Variants in EP400 observed in about 807,000 individuals in gnomAD.
EP400 encodes E1A-binding protein p400.
Under a neutral mutation model 354.1 loss-of-function variants are expected in EP400, and 105 were observed. The ratio of observed to expected loss-of-function variants is 0.30; its 90% CI spans 0.25 to 0.35. The LOEUF is 0.35. Ranked by LOEUF, EP400 falls within the 10% of genes least tolerant of loss-of-function variation. EP400 has a pLI of 1.00. For synonymous variants in EP400, 1,646 were observed against 1,716.9 expected, an observed-to-expected ratio of 0.96 and a Z score of 1.02; for missense variants, 3,280 against 4,121.0, an observed-to-expected ratio of 0.80 and a Z score of 5.59.
rs184403752 is a variant in EP400, at chr12:132,038,271, A to G, written c.6207+175A>G. Among the ~76,000 whole-genome samples, 1 of 152,242 alleles carries G rather than the reference A, an allele frequency of 6.6e-6. No homozygotes were observed. The highest frequency in any genetic ancestry group is 1.5e-5 in the Non-Finnish European group (1 of 68,016). ...CTTCTTTCTGTCATGGGGATTTTGAACTGTAAATACAAGTGAGGGGAATGG... is the reference window on the plus strand; with the variant it reads ...CTTCTTTCTGTCATGGGGATTTTGAGCTGTAAATACAAGTGAGGGGAATGG... On this transcript the variant is annotated intron_variant, in intron 32 of 52. Transcript: ENST00000389561. This position sits in a 1 kb window ranked among gnomAD's most constrained non-coding sequence, Gnocchi z 4.2.
In EP400 at chr12:132,006,231, A is replaced by G. The variant is rs746481807; in HGVS notation, c.3055A>G (p.Lys1019Glu). The change falls in exon 14 of 53, where the codon AAG becomes GAG. Residue 1019 changes from lysine to glutamate, a missense_variant. Physicochemically the swap from Lys to Glu is moderately conservative, Grantham distance 56. Around this residue, in one of 20 missense-constraint regions of EP400, gnomAD observed 800 missense variants for 840.0 expected, o/e 0.95. Transcript: ENST00000389561. ...GATGAATATCGGGAAGCCAAACGCC[A>G]AGGACATTGCGGACGTCACTGCGGT... is the stretch of plus-strand genomic sequence containing the variant. ...ERMNIGKPNA[K>E]DIADVTAVAE... 3 of 1,614,238 alleles carry G rather than the reference A, an allele frequency of 1.9e-6. No homozygotes were observed. The South Asian group carries it at 3.3e-5, about 18-fold the overall frequency.
chr12:132,059,469 C>A (rs1479914639), intron 45 of EP400, among the ~76,000 whole-genome samples: 2 of 152,122 alleles, frequency 1.3e-5, no homozygotes, highest in Non-Finnish European at 2.9e-5. Context: ...GTGAAGTCTA[C>A]CTGCTTCAGT....
At position 132,067,162 on chromosome 12, in the gene EP400, A is replaced by G; in HGVS notation, c.8749+193A>G. 1 of 1,144,800 alleles carries G rather than the reference A, an allele frequency of 8.7e-7. No individual in the cohort carries two copies. Among genetic ancestry groups the G allele is most frequent in the Non-Finnish European group, 1.2e-6 (1 of 823,622 alleles). 70.9% of individuals were successfully genotyped at this position (1,144,800 alleles called of 1,614,324 possible). A position where few individuals can be genotyped will look rare whatever the true frequency, so the allele number is the denominator to read the frequency against. On this transcript the variant is annotated intron_variant, in intron 49 of 52. Coordinates refer to ENST00000389561, the MANE Select transcript of EP400 (RefSeq NM_015409.5). The surrounding 1 kb of genome is among the most constrained non-coding windows in gnomAD (Gnocchi z 5.3). ...CTGGGTCCTCAATTGAACTGTTAAC[A>G]TTCTGAAATTTCCGTCTTAATTTAA... is the stretch of plus-strand genomic sequence containing the variant.
At chr12:132,062,038 C>T in intron 45 of EP400, 72 bp from the exon 46 acceptor site, 1 of 1,404,166 alleles carries the variant, frequency 7.1e-7, no homozygotes, top group Non-Finnish European at 9.9e-7. Context: ...TCTTGTCTTC[C>T]CTGCTCTGAG....
At chr12:131,952,320 A>G (rs867858463) in intron 1 of EP400, among the ~76,000 whole-genome samples, 181 of 148,696 alleles carry the variant, frequency 1.2e-3, no homozygotes, top group Non-Finnish European at 2.0e-3. Context: ...AAAAAAAAAA[A>G]AAAAAGAAAA....
rs1008950929 is a variant in EP400, at chr12:132,052,652, T to G, written c.7395-494T>G. ...TGGGAGCACAGACCCATCATTTGAT[T>G]GATGTTGTCGATTAAATGAAGAGTT... On this transcript the variant is annotated intron_variant, in intron 41 of 52. Transcript: ENST00000389561. The surrounding 1 kb of genome is among the most constrained non-coding windows in gnomAD (Gnocchi z 4.4). Among the ~76,000 whole-genome samples, 1 of 152,190 alleles carries G rather than the reference T, an allele frequency of 6.6e-6. No individual in the cohort carries two copies. Among genetic ancestry groups the G allele is most frequent in the African/African-American group, 2.4e-5 (1 of 41,446 alleles).
intron 29 of EP400, chr12:132,031,251 T>G: frequency 1.9e-6 from 1 of 519,176 alleles, no homozygotes; most frequent in Non-Finnish European, 3.8e-6. Context: ...CAGGGACTTT[T>G]TGTTGCCTGT....
intron 30 of EP400, among the ~76,000 whole-genome samples, chr12:132,032,734 A>G (rs934023713): frequency 9.3e-5 from 14 of 150,940 alleles, no homozygotes; most frequent in African/African-American, 3.4e-4. Flanking sequence ...GGGTTCAAGC[A>G]ATTCTTCTGC....
intron 50 of EP400, chr12:132,068,423 G>A (rs1483265099): frequency 6.6e-6 from 1 of 152,334 alleles, no homozygotes; most frequent in Non-Finnish European, 1.5e-5. Flanking sequence ...GACTCCAGCA[G>A]GCCCAGGGTT....
intron 10 of EP400, 51 bp from the exon 11 acceptor site, chr12:131,992,122 A>G: frequency 1.3e-6 from 2 of 1,586,394 alleles, no homozygotes; most frequent in Non-Finnish European, 1.7e-6. Flanking sequence ...TTGGTTTCCC[A>G]TTCTGAGTGT....
At position 132,080,262 on chromosome 12, in the gene EP400, T is replaced by A. The variant is rs1018971744; in HGVS notation, c.*2589T>A. On this transcript the variant is annotated 3_prime_UTR_variant, in exon 53 of 53. Coordinates refer to ENST00000389561, the MANE Select transcript of EP400 (RefSeq NM_015409.5). ...GATTTGGTGCCTGATAAGACAGGGG[T>A]TTCTCTTTTTGTGACCTTTATTATT... is the stretch of plus-strand genomic sequence containing the variant. 2.6e-5 allele frequency: 4 copies of A among 152,482 alleles called. No individual in the cohort carries two copies. The highest frequency in any genetic ancestry group is 1.3e-4 in the Admixed American group (2 of 15,252). The allele number at this position is 152,482 out of a possible 1,614,324, so 9.4% of individuals were successfully genotyped here. A position where few individuals can be genotyped will look rare whatever the true frequency, so the allele number is the denominator to read the frequency against.
intron 51 of EP400, among the ~76,000 whole-genome samples, chr12:132,074,472 T>C (rs114257042): frequency 0.035 from 5,398 of 152,114 alleles, 243 homozygotes; most frequent in African/African-American, 0.1. Flanking sequence ...TCTCCCCCAC[T>C]GTCTGCCTGT....
At chr12:131,985,401 C>T (rs867511685) in intron 5 of EP400, among the ~76,000 whole-genome samples, 2 of 152,350 alleles carry the variant, frequency 1.3e-5, no homozygotes, top group East Asian at 1.9e-4. Flanking sequence ...ACGGCGCTGC[C>T]GAGGTGAAGA....
intron 1 of EP400, among the ~76,000 whole-genome samples, chr12:131,958,503 A>G (rs1891777411): frequency 6.6e-6 from 1 of 152,212 alleles, no homozygotes; most frequent in African/African-American, 2.4e-5. Flanking sequence ...TTGATTTCAT[A>G]TATACATGTA....
At chr12:131,974,377 A>G (rs2136482031) in intron 2 of EP400, among the ~76,000 whole-genome samples, 1 of 152,114 alleles carries the variant, frequency 6.6e-6, no homozygotes, top group South Asian at 2.1e-4. Context: ...CGGCCTCCCA[A>G]AATGCTGGAA....
chr12:131,985,304 GAC>G (rs1460435620), intron 5 of EP400, among the ~76,000 whole-genome samples: 1 of 152,258 alleles, frequency 6.6e-6, no homozygotes, highest in African/African-American at 2.4e-5. Context: ...CAGAAGTGAA[GAC>G]ACAGCCGCTC....
At chr12:132,012,800 C>T (rs1006553846) in intron 16 of EP400, among the ~76,000 whole-genome samples, 1 of 152,094 alleles carries the variant, frequency 6.6e-6, no homozygotes, top group African/African-American at 2.4e-5. Flanking sequence ...AATTTGTCAA[C>T]GAAACTGCTT....
At position 131,986,736 on chromosome 12, in the gene EP400, C is replaced by T; in HGVS notation, c.2152C>T (p.Gln718Ter). ...GVVASAPTKP[Q>*]SPAQNATSSQ... ...GGTGGCATCTGCCCCCACCAAACCA[C>T]AGAGTCCTGCTCAGAATGCCACCTC... Residue 718 changes from glutamine (Q) to a stop codon, truncating the protein, a stop_gained, in exon 6 of 53, where the codon CAG becomes TAG. Transcript: ENST00000389561. LOFTEE classifies it high-confidence loss of function. 1 of 1,614,250 alleles carries T rather than the reference C, an allele frequency of 6.2e-7. No individual in the cohort carries two copies. Among genetic ancestry groups the T allele is most frequent in the Non-Finnish European group, 8.5e-7 (1 of 1,180,046 alleles).
At chr12:132,030,940 C>T (rs1426641003) in intron 29 of EP400, among the ~76,000 whole-genome samples, 1 of 152,196 alleles carries the variant, frequency 6.6e-6, no homozygotes, top group East Asian at 1.9e-4. Flanking sequence ...AGCGCAAAAC[C>T]AAGTTGCTGC....
Sources: gnomAD v4.1 joint callset for allele counts (sites outside exome capture counted in the v4.1 genomes callset) on GRCh38, gnomAD v4.1.1 for gene constraint, gnomAD v4.1.1 regional missense constraint, Gnocchi (gnomAD v3.1) non-coding constraint, MANE v1.5 for transcripts, NCBI Gene and HGNC (gene_info 2026-07-23, HGNC 2026-07-21) for gene names.